SRBD1: variants seen among roughly 807,000 people sequenced by gnomAD.
The protein encoded by SRBD1 is S1 RNA binding domain 1.
SRBD1 carries 88 observed loss-of-function variants against 115.3 expected under a neutral mutation model. The observed-to-expected ratio is 0.76, with a 90% CI of 0.64 to 0.91. SRBD1 has a LOEUF of 0.91. SRBD1 is among the 40% of genes least tolerant of loss of function. The pLI is 0.00. For missense variants in SRBD1, 1,385 were observed against 1,177.4 expected, an observed-to-expected ratio of 1.18 and a Z score of -2.58; for synonymous variants, 509 against 407.7, an observed-to-expected ratio of 1.25 and a Z score of -2.99.
rs754383777 is a variant in SRBD1 at position 45,562,641 on chromosome 2, C to G, written c.1409+12G>C. 9.5e-6 allele frequency: 15 copies of G among 1,580,240 alleles called. No homozygotes were observed. In the East Asian group the frequency reaches 3.2e-4, roughly 33 times the overall value. ...GAAACAAAGAAAATTCTGTAAATAT[C>G]TGTAAACAGACCTGTTTTGGATGCA... is the stretch of plus-strand genomic sequence containing the variant. On this transcript the variant is annotated intron_variant, in intron 10 of 20. Coordinates refer to ENST00000263736, the MANE Select transcript of SRBD1 (RefSeq NM_018079.5).
chr2:45,415,438 C>T lies in SRBD1; in HGVS notation c.2334-2145G>A, dbSNP rs1399327268. On this transcript the variant is annotated intron_variant, in intron 18 of 20. Transcript: ENST00000263736. ...TAGTGTGTATATGTGTATATACACA[C>T]ATTTAAAAAACAAAAATATACATCT... Among the ~76,000 whole-genome samples the T allele has an allele frequency of 7.1e-5, 10 of 141,172 alleles. 1 individual carries two copies. Among genetic ancestry groups the T allele is most frequent in the Admixed American group, 1.4e-4 (2 of 14,170 alleles). 92.6% of individuals were successfully genotyped at this position (141,172 alleles called of 152,430 possible).
chr2:45,551,943 G>A (rs1473063635), intron 11 of SRBD1, among the ~76,000 whole-genome samples: 8 of 152,104 alleles, frequency 5.3e-5, no homozygotes, highest in East Asian at 1.9e-4. Flanking sequence ...CATCTATGAC[G>A]CTAGTTCAGT....
chr2:45,567,598 G>C (rs931681361), intron 9 of SRBD1, among the ~76,000 whole-genome samples: 1 of 145,950 alleles, frequency 6.9e-6, no homozygotes, highest in African/African-American at 2.5e-5. Flanking sequence ...GAAAGAGCAA[G>C]ATACTGTCTA....
chr2:45,450,228 T>C (rs1668952672), intron 16 of SRBD1, among the ~76,000 whole-genome samples: 2 of 152,168 alleles, frequency 1.3e-5, no homozygotes, highest in Non-Finnish European at 2.9e-5. Context: ...ATTGGCACAC[T>C]TGGAAGCATT....
intron 16 of SRBD1, among the ~76,000 whole-genome samples, chr2:45,421,562 C>A (rs1167770857): frequency 8.1e-6 from 1 of 123,736 alleles, no homozygotes; most frequent in Non-Finnish European, 1.6e-5. Flanking sequence ...AAATGAGCAT[C>A]TTACAATTGA....
intron 10 of SRBD1, among the ~76,000 whole-genome samples, chr2:45,560,988 T>C (rs1432081058): frequency 6.6e-6 from 1 of 150,650 alleles, no homozygotes. Flanking sequence ...GCACCTATGG[T>C]CCCAGCTACA....
intron 14 of SRBD1, among the ~76,000 whole-genome samples, chr2:45,497,312 C>A (rs1405031747): frequency 6.6e-6 from 1 of 152,130 alleles, no homozygotes; most frequent in Non-Finnish European, 1.5e-5. Context: ...ACTGTCATTG[C>A]CCTATAATTT....
chr2:45,408,078 A>C (rs1667488477), intron 19 of SRBD1, among the ~76,000 whole-genome samples: 1 of 152,206 alleles, frequency 6.6e-6, no homozygotes, highest in Non-Finnish European at 1.5e-5. Flanking sequence ...CATTAAAGCC[A>C]TTTATTTCCA....
chr2:45,412,815 G>C (rs1667642078), intron 19 of SRBD1, among the ~76,000 whole-genome samples: 1 of 152,168 alleles, frequency 6.6e-6, no homozygotes, highest in African/African-American at 2.4e-5. Flanking sequence ...CCAGGTGCTA[G>C]TCAATTGTGT....
chr2:45,525,557 T>A (rs1395855404), intron 14 of SRBD1, among the ~76,000 whole-genome samples: 1 of 151,996 alleles, frequency 6.6e-6, no homozygotes, highest in Non-Finnish European at 1.5e-5. Flanking sequence ...TATATTGTAT[T>A]CTTAAAAAAA....
chr2:45,497,057 T>A (rs1253277275), intron 14 of SRBD1, among the ~76,000 whole-genome samples: 2 of 152,218 alleles, frequency 1.3e-5, no homozygotes, highest in Non-Finnish European at 2.9e-5. Flanking sequence ...AGATCTTTAC[T>A]TTTTTGTGAT....
At chr2:45,406,703 A>T (rs1667447522) in intron 19 of SRBD1, among the ~76,000 whole-genome samples, 1 of 152,182 alleles carries the variant, frequency 6.6e-6, no homozygotes, top group Non-Finnish European at 1.5e-5. Context: ...AGAACAGCAT[A>T]AAATTCTACA....
chr2:45,600,461 G>C (rs1184628444), intron 3 of SRBD1, among the ~76,000 whole-genome samples: 2 of 152,156 alleles, frequency 1.3e-5, no homozygotes, highest in Non-Finnish European at 2.9e-5. Context: ...TGCTATCAAA[G>C]TCAACCACTT....
intron 18 of SRBD1, 121 bp from the exon 19 acceptor site, chr2:45,413,414 G>T (rs1667665052): frequency 8.6e-7 from 1 of 1,167,102 alleles, no homozygotes; most frequent in East Asian, 2.5e-5. Flanking sequence ...ACCAGATTTT[G>T]ACCTTTTACT....
intron 16 of SRBD1, among the ~76,000 whole-genome samples, chr2:45,476,445 A>G (rs1005695180): frequency 1.1e-4 from 16 of 152,206 alleles, no homozygotes; most frequent in African/African-American, 3.6e-4. Context: ...AGCCTTCTGG[A>G]GACAACTTCC....
At chr2:45,591,610 G>A (rs751341795) in intron 4 of SRBD1, among the ~76,000 whole-genome samples, 1 of 152,118 alleles carries the variant, frequency 6.6e-6, no homozygotes. Context: ...GAGGCTACAT[G>A]GTGAATTCTA....
At chr2:45,510,073 CTATT>C (rs1670920794) in intron 14 of SRBD1, among the ~76,000 whole-genome samples, 1 of 152,122 alleles carries the variant, frequency 6.6e-6, no homozygotes, top group Admixed American at 6.5e-5. Context: ...TCTAGTTTGG[CTATT>C]TAAATATCCC....
chr2:45,576,436 G>A (rs188938775), intron 7 of SRBD1, among the ~76,000 whole-genome samples: 12 of 152,178 alleles, frequency 7.9e-5, no homozygotes, highest in African/African-American at 1.4e-4. Context: ...GGAGTCGGGG[G>A]GGGTGGGGGT....
At chr2:45,504,741 C>T (rs1396403612) in intron 14 of SRBD1, among the ~76,000 whole-genome samples, 1 of 151,834 alleles carries the variant, frequency 6.6e-6, no homozygotes, top group Non-Finnish European at 1.5e-5. Context: ...TTAGATGGCT[C>T]GAGGGGGAAA....
Sources: gnomAD v4.1 joint callset for allele counts (sites outside exome capture counted in the v4.1 genomes callset) on GRCh38, gnomAD v4.1.1 for gene constraint, MANE v1.5 for transcripts, NCBI Gene and HGNC (gene_info 2026-07-23, HGNC 2026-07-21) for gene names.